Variants in BAX observed in about 807,000 individuals in gnomAD.
BAX encodes apoptosis regulator BAX.
Under a neutral mutation model 26.8 loss-of-function variants are expected in BAX, and 21 were observed. The ratio of observed to expected loss-of-function variants is 0.78; its 90% CI spans 0.56 to 1.13. The LOEUF (loss-of-function observed/expected upper bound fraction) is 1.13, where lower values mean the gene tolerates loss of function less well. BAX is among the 50% of genes most tolerant of loss of function. BAX has a pLI of 0.00. For synonymous variants in BAX, 110 were observed against 101.8 expected, an observed-to-expected ratio of 1.08 and a Z score of -0.49; for missense variants, 236 against 254.6, an observed-to-expected ratio of 0.93 and a Z score of 0.50.
intron 4 of BAX, among the ~76,000 whole-genome samples, chr19:48,959,725 C>T (rs956984593): frequency 6.7e-6 from 1 of 150,228 alleles, no homozygotes; most frequent in Non-Finnish European, 1.5e-5. Context: ...GCTTAGGAGG[C>T]TCAGGCAGGA....
chr19:48,960,923 C>T lies in BAX; in HGVS notation c.474+9C>T. ...AAGACCAGGGTGGTTGGGTGAGACTCCTCAAGCCTCCTCACCCCCACCACC... is the reference window on the plus strand; with the variant it reads ...AAGACCAGGGTGGTTGGGTGAGACTTCTCAAGCCTCCTCACCCCCACCACC... On this transcript the variant is annotated intron_variant, in intron 5 of 5. Coordinates refer to ENST00000345358, the MANE Select transcript of BAX (RefSeq NM_138761.4). The T allele has an allele frequency of 6.2e-7, 1 of 1,613,836 alleles. No homozygotes were observed. The highest frequency in any genetic ancestry group is 8.5e-7 in the Non-Finnish European group (1 of 1,179,942).
In BAX at chr19:48,954,903, G is replaced by T. The variant is rs1161187379; in HGVS notation, c.-26G>T. On this transcript the variant is annotated 5_prime_UTR_variant, in exon 1 of 6. Transcript: ENST00000345358. ...CTGCGGCCGCCCGCGCGGACCCGGC[G>T]AGAGGCGGCGGCGGGAGCGGCGGTG... 11 of 1,231,422 alleles carry T rather than the reference G, an allele frequency of 8.9e-6. No homozygotes were observed. The East Asian group carries it at 9.5e-5, about 11-fold the overall frequency. The allele number at this position is 1,231,422 out of a possible 1,614,324, so 76.3% of individuals were successfully genotyped here.
chr19:48,957,265 C>CTTTTTTTTTTTTTTTT lies in BAX; in HGVS notation c.369+944_369+959dup, dbSNP rs61415800. The stretch of plus-strand genomic sequence containing the variant: ...GGCTGCTGGAAAGACTTTTTCTTTT[C>CTTTTTTTTTTTTTTTT]TTTTTTTTTTTTTTTTTTTTTTTTT... On this transcript the variant is annotated intron_variant, in intron 4 of 5. Coordinates refer to ENST00000345358, the MANE Select transcript of BAX (RefSeq NM_138761.4). 8.6e-4 allele frequency among the ~76,000 whole-genome samples: 47 copies of CTTTTTTTTTTTTTTTT among 54,944 alleles called. 11 individuals are homozygous for CTTTTTTTTTTTTTTTT. Among genetic ancestry groups the CTTTTTTTTTTTTTTTT allele is most frequent in the South Asian group, 3.6e-3 (4 of 1,104 alleles). The allele number at this position is 54,944 out of a possible 152,430, so 36.0% of individuals were successfully genotyped here. A position where few individuals can be genotyped will look rare whatever the true frequency, so the allele number is the denominator to read the frequency against.
intron 4 of BAX, among the ~76,000 whole-genome samples, chr19:48,958,963 T>C (rs773251715): frequency 2.0e-5 from 3 of 152,028 alleles, no homozygotes; most frequent in Admixed American, 2.0e-4. Flanking sequence ...GATGATAGAA[T>C]AGAAGTGGCC....
intron 4 of BAX, among the ~76,000 whole-genome samples, chr19:48,958,161 T>C (rs1310631219): frequency 2.0e-5 from 3 of 150,700 alleles, no homozygotes; most frequent in Non-Finnish European, 3.0e-5. Context: ...TGATCATAGC[T>C]CACTGCAGCC....
chr19:48,961,290 T>G (rs745649995), intron 5 of BAX: 7 of 1,412,854 alleles, frequency 5.0e-6, no homozygotes, highest in Non-Finnish European at 6.5e-6. Context: ...TCTCGCTATG[T>G]TGCCCAGGTT....
At position 48,955,225 on chromosome 19, in the gene BAX, GC is replaced by G. The variant is rs2038076287; in HGVS notation, c.34+264del. On this transcript the variant is annotated intron_variant, in intron 1 of 5. Coordinates refer to ENST00000345358, the MANE Select transcript of BAX (RefSeq NM_138761.4). The stretch of plus-strand genomic sequence containing the variant: ...AAGCCAAGCCCCCGGGCAGGCCCGG[GC>G]TTGTCGCCCGCACCACTTCCTGCCT... 3 of 431,676 alleles carry G rather than the reference GC, an allele frequency of 6.9e-6. No individual in the cohort carries two copies. In the East Asian group the frequency reaches 1.1e-4, roughly 15 times the overall value. 26.7% of individuals were successfully genotyped at this position (431,676 alleles called of 1,614,324 possible).
Position 48,961,090 on chromosome 19 carries a change from G to A in BAX, c.474+176G>A, listed in dbSNP as rs887035918. ...GTGGTCTATAATGCGTTTTCCTTAC[G>A]TGTCTGATCAATCCCCGATTCATCT... On this transcript the variant is annotated intron_variant, in intron 5 of 5. Coordinates refer to ENST00000345358, the MANE Select transcript of BAX (RefSeq NM_138761.4). 4.4e-6 allele frequency: 7 copies of A among 1,588,450 alleles called. No individual in the cohort carries two copies. The South Asian group carries it at 4.5e-5, about 10-fold the overall frequency.
At chr19:48,959,086 C>A (rs1323799155) in intron 4 of BAX, among the ~76,000 whole-genome samples, 1 of 151,760 alleles carries the variant, frequency 6.6e-6, no homozygotes, top group African/African-American at 2.4e-5. Flanking sequence ...CGTGGTGGCT[C>A]ACGCCTGTAA....
At chr19:48,959,875 C>A (rs2038287164) in intron 4 of BAX, among the ~76,000 whole-genome samples, 1 of 150,922 alleles carries the variant, frequency 6.6e-6, no homozygotes, top group African/African-American at 2.4e-5. Context: ...CACCTGTAAT[C>A]CCAACCCTTT....
chr19:48,961,396 C>A, intron 5 of BAX, 136 bp from the exon 6 acceptor site: 1 of 1,162,280 alleles, frequency 8.6e-7, no homozygotes, highest in Non-Finnish European at 1.2e-6. Flanking sequence ...CTGAGTCCAG[C>A]TCTTTAATGC....
chr19:48,959,589 C>T (rs1219743618), intron 4 of BAX, among the ~76,000 whole-genome samples: 3 of 144,834 alleles, frequency 2.1e-5, no homozygotes, highest in Admixed American at 7.0e-5. Context: ...CTGAGGCATG[C>T]GGATCACCTA....
Position 48,960,930 on chromosome 19 carries a change from C to T in BAX, c.474+16C>T. 2 of 1,613,654 alleles carry T rather than the reference C, an allele frequency of 1.2e-6. No individual in the cohort carries two copies. Among genetic ancestry groups the T allele is most frequent in the Non-Finnish European group, 1.7e-6 (2 of 1,179,856 alleles). Reference sequence around the variant, plus strand: ...GGGTGGTTGGGTGAGACTCCTCAAGCCTCCTCACCCCCACCACCGCGCCCT... The same window carrying T: ...GGGTGGTTGGGTGAGACTCCTCAAGTCTCCTCACCCCCACCACCGCGCCCT... On this transcript the variant is annotated intron_variant, in intron 5 of 5. Transcript: ENST00000345358.
In BAX at chr19:48,961,603, C is replaced by T. The variant is rs767966452; in HGVS notation, c.546C>T (p.Thr182=). Residue 182 remains threonine (T), a synonymous_variant, in exon 6 of 6, where the codon ACC becomes ACT. Transcript: ENST00000345358. The part of the protein sequence containing the change: ...TVTIFVAGVL[T]ASLTIWKKMG The stretch of plus-strand genomic sequence containing the variant: ...CCATCTTTGTGGCGGGAGTGCTCAC[C>T]GCCTCACTCACCATCTGGAAGAAGA... 3.7e-6 allele frequency: 6 copies of T among 1,600,320 alleles called. No homozygotes were observed. The highest frequency in any genetic ancestry group is 2.7e-5 in the African/African-American group (2 of 74,660).
chr19:48,956,395 G>A, intron 4 of BAX, 62 bp downstream of exon 4: 1 of 1,448,158 alleles, frequency 6.9e-7, no homozygotes, highest in Non-Finnish European at 9.1e-7. Context: ...AGGACCTGGG[G>A]ATCGTGGTAT....
intron 1 of BAX, 198 bp downstream of exon 1, chr19:48,955,160 C>T: frequency 1.6e-6 from 1 of 636,678 alleles, no homozygotes; most frequent in South Asian, 7.9e-5. Flanking sequence ...ATCCCTGCCT[C>T]TCTGGCGCTC....
chr19:48,955,377 T>G, intron 1 of BAX, 171 bp from the exon 2 acceptor site: 4 of 697,380 alleles, frequency 5.7e-6, no homozygotes, highest in Non-Finnish European at 6.8e-6. Flanking sequence ...CTCCTGGCCT[T>G]TCTCCATCAG....
chr19:48,958,690 G>A (rs1028033426), intron 4 of BAX, among the ~76,000 whole-genome samples: 2 of 151,708 alleles, frequency 1.3e-5, no homozygotes, highest in Admixed American at 6.6e-5. Flanking sequence ...GATTACAGGC[G>A]TCCGCCACCA....
At chr19:48,958,286 G>T (rs1178668754) in intron 4 of BAX, among the ~76,000 whole-genome samples, 1 of 151,580 alleles carries the variant, frequency 6.6e-6, no homozygotes, top group Non-Finnish European at 1.5e-5. Context: ...TATAGAGACG[G>T]GGTCTCGCTA....
Sources: allele counts gnomAD v4.1 joint callset (sites outside exome capture counted in the v4.1 genomes callset), GRCh38; gene constraint gnomAD v4.1.1; transcripts MANE v1.5; gene names NCBI Gene and HGNC (gene_info 2026-07-23, HGNC 2026-07-21).